ZBTB46: variants seen among roughly 807,000 people sequenced by gnomAD.
ZBTB46 encodes zinc finger and BTB domain containing 46.
ZBTB46 carries 8 observed loss-of-function variants against 44.1 expected under a neutral mutation model. The observed-to-expected ratio is 0.18, with a 90% confidence interval of 0.11 to 0.33. The LOEUF (loss-of-function observed/expected upper bound fraction) is 0.33, where lower values mean the gene tolerates loss of function less well. Among genes scored for constraint, ZBTB46 ranks in the 10% least tolerant of loss-of-function variants. The pLI, the probability that ZBTB46 is intolerant of heterozygous loss-of-function variation, is 1.00. For missense variants in ZBTB46, 651 were observed against 847.7 expected, an observed-to-expected ratio of 0.77 and a Z score of 2.88; for synonymous variants, 409 against 382.3, an observed-to-expected ratio of 1.07 and a Z score of -0.81.
chr20:63,760,394 G>A (rs895521490), intron 3 of ZBTB46, among the ~76,000 whole-genome samples: 16 of 151,706 alleles, frequency 1.1e-4, no homozygotes, highest in South Asian at 2.1e-4. Flanking sequence ...AAATATATTC[G>A]CATAAAGTTG....
rs536169272 is a variant in ZBTB46, at chr20:63,794,398, GCC to G, written c.-33-3610_-33-3609del. Among the ~76,000 whole-genome samples the G allele has an allele frequency of 1.5e-3, 233 of 152,016 alleles. 1 individual carries two copies. In the Middle Eastern group the frequency reaches 0.017, roughly 11 times the overall value. ...GTAGTGACAGGAGTCTTGCTTTGTT[GCC>G]CAGGCTGATCTCAAACTCTTGGGCT... On this transcript the variant is annotated intron_variant, in intron 1 of 4. Coordinates refer to ENST00000245663, the MANE Select transcript of ZBTB46 (RefSeq NM_001369741.1).
chr20:63,792,806 C>A (rs2092571923), intron 1 of ZBTB46, among the ~76,000 whole-genome samples: 1 of 152,266 alleles, frequency 6.6e-6, no homozygotes, highest in African/African-American at 2.4e-5. Context: ...GCGTGAGCCA[C>A]CACGCCCAGC....
chr20:63,748,997 C>A (rs143575394), intron 4 of ZBTB46, among the ~76,000 whole-genome samples: 1 of 152,218 alleles, frequency 6.6e-6, no homozygotes, highest in Non-Finnish European at 1.5e-5. Flanking sequence ...CTCAGTGTTC[C>A]GAATCCACAG....
intron 1 of ZBTB46, among the ~76,000 whole-genome samples, chr20:63,801,634 G>A (rs1463217319): frequency 3.9e-5 from 6 of 152,138 alleles, no homozygotes; most frequent in Admixed American, 3.3e-4. Flanking sequence ...CACCGTGAAG[G>A]TCTGCAGCTT....
chr20:63,808,913 C>G (rs1288475582), intron 1 of ZBTB46, among the ~76,000 whole-genome samples: 1 of 137,016 alleles, frequency 7.3e-6, no homozygotes. Context: ...GGGGGCGGAG[C>G]TTGCGGTGAG....
At chr20:63,796,502 C>T (rs2092605287) in intron 1 of ZBTB46, among the ~76,000 whole-genome samples, 1 of 152,264 alleles carries the variant, frequency 6.6e-6, no homozygotes, top group Admixed American at 6.5e-5. Flanking sequence ...CCTGCATTTC[C>T]GTTAGGCTCC....
chr20:63,758,821 T>C (rs2092248574), intron 3 of ZBTB46, among the ~76,000 whole-genome samples: 1 of 150,604 alleles, frequency 6.6e-6, no homozygotes, highest in Admixed American at 6.7e-5. Context: ...AAGCTCCGCC[T>C]CCCGGGTTCA....
At chr20:63,802,530 C>T (rs1387911132) in intron 1 of ZBTB46, among the ~76,000 whole-genome samples, 1 of 152,098 alleles carries the variant, frequency 6.6e-6, no homozygotes. Flanking sequence ...GGCGGAGGCC[C>T]CGGCAAGAGG....
intron 2 of ZBTB46, among the ~76,000 whole-genome samples, chr20:63,782,476 C>G (rs2092479050): frequency 6.6e-6 from 1 of 152,200 alleles, no homozygotes; most frequent in Non-Finnish European, 1.5e-5. Context: ...CCGGCTGCTT[C>G]AGACTTCAGA....
chr20:63,796,683 G>C (rs776211152), intron 1 of ZBTB46, among the ~76,000 whole-genome samples: 3 of 151,820 alleles, frequency 2.0e-5, no homozygotes, highest in Non-Finnish European at 4.4e-5. Context: ...AAATTAGCAG[G>C]ACGTGATGGC....
In ZBTB46 at chr20:63,748,872, G is replaced by A. The variant is rs576573521; in HGVS notation, c.1399-1571C>T. Among the ~76,000 whole-genome samples, 3 of 152,370 alleles carry A rather than the reference G, an allele frequency of 2.0e-5. No homozygotes were observed. The South Asian group carries it at 6.2e-4, about 32-fold the overall frequency. ...ATGAGCAAGTACATACATAATCAAT[G>A]TGTGTCATGGCGGAAGACGGTCCTG... On this transcript the variant is annotated intron_variant, in intron 4 of 4. Coordinates refer to ENST00000245663, the MANE Select transcript of ZBTB46 (RefSeq NM_001369741.1).
chr20:63,774,597 A>T (rs1362537136), intron 3 of ZBTB46, among the ~76,000 whole-genome samples: 1 of 151,886 alleles, frequency 6.6e-6, no homozygotes, highest in African/African-American at 2.4e-5. Context: ...GCTGAGTGCC[A>T]GCTATGTGCT....
chr20:63,765,096 T>C (rs1210064669), intron 3 of ZBTB46, among the ~76,000 whole-genome samples: 1 of 150,540 alleles, frequency 6.6e-6, no homozygotes, highest in Non-Finnish European at 1.5e-5. Context: ...TGTGCATGTG[T>C]ATGTGTGGTT....
chr20:63,762,683 A>AC (rs201220490), intron 3 of ZBTB46, among the ~76,000 whole-genome samples: 3,077 of 147,034 alleles, frequency 0.021, 50 homozygotes, highest in Middle Eastern at 0.031. Context: ...CAAACAAAAA[A>AC]AAAACCAACT....
intron 1 of ZBTB46, among the ~76,000 whole-genome samples, chr20:63,796,590 C>A (rs1017685252): frequency 2.6e-5 from 4 of 152,248 alleles, no homozygotes; most frequent in African/African-American, 9.6e-5. Flanking sequence ...CTTTGGGAGG[C>A]CGAGGCGGGC....
intron 3 of ZBTB46, 68 bp downstream of exon 3, chr20:63,775,610 C>A: frequency 6.6e-7 from 1 of 1,504,172 alleles, no homozygotes; most frequent in Non-Finnish European, 8.9e-7. Context: ...TCATCTTGGC[C>A]CGGGACCTGC....
At chr20:63,818,582 G>T (rs1279756763) in intron 1 of ZBTB46, among the ~76,000 whole-genome samples, 2 of 152,140 alleles carry the variant, frequency 1.3e-5, no homozygotes, top group Non-Finnish European at 2.9e-5. Flanking sequence ...CTGGCTGGTC[G>T]CGGTGGCTCA....
intron 3 of ZBTB46, among the ~76,000 whole-genome samples, chr20:63,759,392 C>T (rs1601406018): frequency 6.6e-6 from 1 of 151,922 alleles, no homozygotes; most frequent in African/African-American, 2.4e-5. Flanking sequence ...ATTTCTTTTT[C>T]TTTTTTTTCT....
chr20:63,772,498 C>T (rs546870857), intron 3 of ZBTB46, among the ~76,000 whole-genome samples: 62 of 151,932 alleles, frequency 4.1e-4, no homozygotes, highest in African/African-American at 1.4e-3. Flanking sequence ...GCAGGCAGAT[C>T]GCCTGAGCTC....
Sources: allele counts gnomAD v4.1 joint callset (sites outside exome capture counted in the v4.1 genomes callset), GRCh38; gene constraint gnomAD v4.1.1; transcripts MANE v1.5; gene names NCBI Gene and HGNC (gene_info 2026-07-23, HGNC 2026-07-21).